The following TMEM132D variants were observed in gnomAD, a reference collection of about 807,000 sequenced individuals.
The protein encoded by TMEM132D is mature OL transmembrane protein.
A neutral mutation model predicts 62.3 loss-of-function variants in TMEM132D; 21 were observed. The observed-to-expected ratio is 0.34, with a 90% CI of 0.24 to 0.49. The LOEUF is 0.49. Ranked by LOEUF, TMEM132D falls within the 20% of genes least tolerant of loss-of-function variation. TMEM132D has a pLI of 0.99. For missense variants in TMEM132D, 1,346 were observed against 1,402.8 expected (o/e 0.96, Z 0.65); for synonymous variants, 621 against 575.6 (o/e 1.08, Z -1.13).
Position 129,095,346 on chromosome 12 carries a change from G to GTTTTT in TMEM132D, c.1444-10649_1444-10645dup, listed in dbSNP as rs34044401. Among the ~76,000 whole-genome samples the GTTTTT allele has an allele frequency of 1.2e-3, 125 of 105,332 alleles. 3 individuals are homozygous for GTTTTT. Among genetic ancestry groups the GTTTTT allele is most frequent in the East Asian group, 4.5e-3 (14 of 3,132 alleles). The allele number at this position is 105,332 out of a possible 152,430, so 69.1% of individuals were successfully genotyped here. A position where few individuals can be genotyped will look rare whatever the true frequency, so the allele number is the denominator to read the frequency against. On this transcript the variant is annotated intron_variant, in intron 5 of 8. Coordinates refer to ENST00000422113, the MANE Select transcript of TMEM132D (RefSeq NM_133448.3). ...CCCTAACACCACAATATGCCTGCTGGTTTTTTTTTTTTTTTTTTTTTGAGA... is the reference window on the plus strand; with the variant it reads ...CCCTAACACCACAATATGCCTGCTGGTTTTTTTTTTTTTTTTTTTTTTTTTTGAGA...
chr12:129,215,173 G>A (rs1159803190), intron 4 of TMEM132D, among the ~76,000 whole-genome samples: 2 of 152,222 alleles, frequency 1.3e-5, no homozygotes, highest in Non-Finnish European at 2.9e-5. Context: ...CATGGTTGGA[G>A]CTGGAGGCCA....
intron 1 of TMEM132D, among the ~76,000 whole-genome samples, chr12:129,716,283 G>A (rs890295720): frequency 1.3e-5 from 2 of 152,164 alleles, no homozygotes; most frequent in South Asian, 2.1e-4. Context: ...GGGAGTCCCC[G>A]ATGATGGATC....
intron 3 of TMEM132D, among the ~76,000 whole-genome samples, chr12:129,466,234 G>A (rs1239687079): frequency 1.3e-5 from 2 of 149,358 alleles, no homozygotes; most frequent in Admixed American, 6.7e-5. Context: ...CTAGAAAGTT[G>A]GTGTTACACG....
chr12:129,141,280 A>G (rs1039146758), intron 5 of TMEM132D, among the ~76,000 whole-genome samples: 2 of 152,106 alleles, frequency 1.3e-5, no homozygotes, highest in Admixed American at 1.3e-4. Flanking sequence ...AGCACTTTTT[A>G]TGTCAGGCCC....
rs200604135 is a variant in TMEM132D at position 129,206,964 on chromosome 12, A to AG, written c.1443+2555dup. Among the ~76,000 whole-genome samples the AG allele has an allele frequency of 9.9e-5, 15 of 152,168 alleles. No individual in the cohort carries two copies. The East Asian group carries it at 1.9e-3, about 20-fold the overall frequency. ...GTCTATGGAAGGCTGGAGGGTGGGA[A>AG]GGGGAGAGGATCAGAGAAAAATACC... On this transcript the variant is annotated intron_variant, in intron 5 of 8. Coordinates refer to ENST00000422113, the MANE Select transcript of TMEM132D (RefSeq NM_133448.3).
intron 2 of TMEM132D, among the ~76,000 whole-genome samples, chr12:129,696,633 G>A (rs1460328852): frequency 1.3e-5 from 2 of 152,194 alleles, no homozygotes; most frequent in Admixed American, 1.3e-4. Flanking sequence ...ACTGGTGAGG[G>A]TGTGAAAGAA....
At chr12:129,350,835 A>T (rs1233351108) in intron 3 of TMEM132D, among the ~76,000 whole-genome samples, 1 of 152,170 alleles carries the variant, frequency 6.6e-6, no homozygotes, top group African/African-American at 2.4e-5. Flanking sequence ...CCCCTCCTAT[A>T]AAGAGACAAG....
At chr12:129,464,358 A>T (rs547618905) in intron 3 of TMEM132D, among the ~76,000 whole-genome samples, 1 of 152,156 alleles carries the variant, frequency 6.6e-6, no homozygotes, top group Non-Finnish European at 1.5e-5. Context: ...TTCATTGTAG[A>T]TTCTGGATAT....
chr12:129,308,336 C>T (rs144908702), intron 4 of TMEM132D, among the ~76,000 whole-genome samples: 18 of 152,234 alleles, frequency 1.2e-4, no homozygotes, highest in East Asian at 7.7e-4. Flanking sequence ...AGGCATGATA[C>T]GTAAACATCC....
chr12:129,800,909 C>CA (rs921539186), intron 1 of TMEM132D, among the ~76,000 whole-genome samples: 1 of 152,206 alleles, frequency 6.6e-6, no homozygotes, highest in African/African-American at 2.4e-5. Context: ...TCGGGAAGCA[C>CA]AAGGGGTCAG....
In TMEM132D at chr12:129,169,444, G is replaced by C. The variant is rs557699456; in HGVS notation, c.1443+40076C>G. Among the ~76,000 whole-genome samples the C allele has an allele frequency of 2.4e-4, 37 of 152,300 alleles. No homozygotes were observed. In the South Asian group the frequency reaches 2.9e-3, roughly 12 times the overall value. On this transcript the variant is annotated intron_variant, in intron 5 of 8. Coordinates refer to ENST00000422113, the MANE Select transcript of TMEM132D (RefSeq NM_133448.3). ...AAGGAATTCCTGGGAAGCCAGCCTG[G>C]CTCCCCCTGCATGGCACTGCTACAT...
intron 2 of TMEM132D, among the ~76,000 whole-genome samples, chr12:129,616,181 A>G: frequency 6.6e-6 from 1 of 152,244 alleles, no homozygotes; most frequent in East Asian, 1.9e-4. Context: ...AATGCCAGAA[A>G]ACCTGCATGC....
In TMEM132D at chr12:129,699,878, C is replaced by A. The variant is rs773587041; in HGVS notation, c.900G>T (p.Arg300Ser). The change falls in exon 2 of 9, where the codon AGG becomes AGT. Residue 300 changes from arginine to serine, a missense_variant. Physicochemically the swap from Arg to Ser is moderately radical, Grantham distance 110. Transcript: ENST00000422113. ...VAIHYIPKTV[R>S]KGDVLTFPVS... ...CAGGAAAAGTCAGCACGTCTCCTTT[C>A]CTCACGGTCTTTGGTATATAGTGGA... The A allele has an allele frequency of 1.2e-6, 2 of 1,614,216 alleles. No homozygotes were observed. The highest frequency in any genetic ancestry group is 1.7e-6 in the Non-Finnish European group (2 of 1,180,052).
intron 4 of TMEM132D, among the ~76,000 whole-genome samples, chr12:129,298,212 C>G (rs1320877675): frequency 1.3e-5 from 2 of 152,148 alleles, no homozygotes; most frequent in African/African-American, 4.8e-5. Flanking sequence ...CAATGTCTAT[C>G]ATAAGCAACG....
chr12:129,875,791 A>G (rs1047916123), intron 1 of TMEM132D, among the ~76,000 whole-genome samples: 1 of 152,180 alleles, frequency 6.6e-6, no homozygotes, highest in South Asian at 2.1e-4. Context: ...CAGAAATCCA[A>G]ATTTATCTTA....
At chr12:129,330,892 A>C in intron 4 of TMEM132D, among the ~76,000 whole-genome samples, 1 of 152,238 alleles carries the variant, frequency 6.6e-6, no homozygotes, top group East Asian at 1.9e-4. Flanking sequence ...TCAAAGGGAC[A>C]TACTGAGCCT....
At chr12:129,799,573 T>C (rs1437615701) in intron 1 of TMEM132D, among the ~76,000 whole-genome samples, 1 of 152,032 alleles carries the variant, frequency 6.6e-6, no homozygotes, top group Non-Finnish European at 1.5e-5. Context: ...ATGTGACCCA[T>C]AGTGAGGCAC....
intron 3 of TMEM132D, among the ~76,000 whole-genome samples, chr12:129,378,447 T>C (rs546326949): frequency 6.6e-6 from 1 of 152,322 alleles, no homozygotes; most frequent in Admixed American, 6.5e-5. Flanking sequence ...ACTTTTAAAG[T>C]TCTCAATAGC....
intron 1 of TMEM132D, among the ~76,000 whole-genome samples, chr12:129,900,800 C>T (rs1286034345): frequency 6.6e-6 from 1 of 152,126 alleles, no homozygotes; most frequent in Non-Finnish European, 1.5e-5. Context: ...ACATTTAAGG[C>T]CATTCCCCAG....
Sources: allele counts gnomAD v4.1 joint callset (sites outside exome capture counted in the v4.1 genomes callset), GRCh38; gene constraint gnomAD v4.1.1; transcripts MANE v1.5; gene names NCBI Gene and HGNC (gene_info 2026-07-23, HGNC 2026-07-21).